The following STMN2 variants were observed in gnomAD, a reference collection of about 807,000 sequenced individuals.
The protein encoded by STMN2 is stathmin-2.
A neutral mutation model predicts 24.1 loss-of-function variants in STMN2; 2 were observed. The observed-to-expected ratio is 0.08, with a 90% confidence interval of 0.03 to 0.26. STMN2 has a LOEUF of 0.26. Ranked by LOEUF, STMN2 falls within the 10% of genes least tolerant of loss-of-function variation. The pLI, the probability that STMN2 is intolerant of heterozygous loss-of-function variation, is 1.00. For missense variants in STMN2, 114 were observed against 213.6 expected (o/e 0.53, Z 2.91); for synonymous variants, 83 against 77.5 (o/e 1.07, Z -0.37).
intron 2 of STMN2, among the ~76,000 whole-genome samples, chr8:79,638,902 C>T (rs1015107937): frequency 1.6e-4 from 25 of 152,038 alleles, no homozygotes; most frequent in African/African-American, 5.8e-4. Context: ...TCTTATAATC[C>T]TTATCCATAG....
chr8:79,619,104 T>C (rs1156339616), intron 1 of STMN2, among the ~76,000 whole-genome samples: 1 of 152,094 alleles, frequency 6.6e-6, no homozygotes, highest in African/African-American at 2.4e-5. Context: ...AAGCAACGCC[T>C]GCAAGAGTGC....
intron 1 of STMN2, among the ~76,000 whole-genome samples, chr8:79,623,443 T>C (rs1252685356): frequency 6.6e-6 from 1 of 152,218 alleles, no homozygotes; most frequent in Non-Finnish European, 1.5e-5. Context: ...GCATTTTGTT[T>C]TGCCTCCTAA....
intron 1 of STMN2, among the ~76,000 whole-genome samples, chr8:79,623,547 C>T (rs538703850): frequency 1.3e-5 from 2 of 152,240 alleles, no homozygotes; most frequent in African/African-American, 4.8e-5. Flanking sequence ...CTTATATTTA[C>T]AAGTATAGTA....
chr8:79,616,033 T>A (rs548018503), intron 1 of STMN2, among the ~76,000 whole-genome samples: 5 of 152,302 alleles, frequency 3.3e-5, no homozygotes, highest in South Asian at 2.1e-4. Context: ...CTTCATCGAT[T>A]GAAATGTGCC....
intron 4 of STMN2, among the ~76,000 whole-genome samples, chr8:79,657,365 C>T (rs1031415760): frequency 1.3e-5 from 2 of 152,156 alleles, no homozygotes; most frequent in African/African-American, 4.8e-5. Context: ...AGTGCCCTCC[C>T]CCATACATGC....
At chr8:79,636,192 G>C (rs1430101828) in intron 1 of STMN2, among the ~76,000 whole-genome samples, 1 of 152,076 alleles carries the variant, frequency 6.6e-6, no homozygotes, top group East Asian at 1.9e-4. Flanking sequence ...ACTACAGCCT[G>C]GGTAACAGAG....
At chr8:79,656,884 G>GTTTGTTTTTTTTT (rs1806384479) in intron 4 of STMN2, among the ~76,000 whole-genome samples, 8 of 150,206 alleles carry the variant, frequency 5.3e-5, no homozygotes, top group Non-Finnish European at 8.9e-5. Flanking sequence ...TTGTTTGTTT[G>GTTTGTTTTTTTTT]TTTTTTTGAG....
chr8:79,659,686 C>T (rs758967769), intron 4 of STMN2, among the ~76,000 whole-genome samples: 3 of 152,144 alleles, frequency 2.0e-5, no homozygotes, highest in South Asian at 4.1e-4. Flanking sequence ...CAAATATTTA[C>T]GTGTAAACAT....
At chr8:79,653,777 G>A (rs567123948) in intron 3 of STMN2, among the ~76,000 whole-genome samples, 31 of 152,304 alleles carry the variant, frequency 2.0e-4, no homozygotes, top group South Asian at 6.2e-4. Context: ...GTGAAGGATT[G>A]CCTCGGGGCA....
At chr8:79,641,628 GCACACACACACACACACACA>G (rs61386841) in intron 3 of STMN2, 78 bp downstream of exon 3, 37 of 431,690 alleles carry the variant, frequency 8.6e-5, no homozygotes, top group Non-Finnish European at 1.2e-4. Flanking sequence ...ACACATGCAC[GCACACACACACACACACACA>G]CACACACACA....
intron 1 of STMN2, chr8:79,620,974 G>C (rs1034573737): frequency 1.0e-6 from 1 of 985,114 alleles, no homozygotes. Flanking sequence ...TGACCTGTAG[G>C]GTCCCCAAGC....
chr8:79,624,711 C>T (rs968863323), intron 1 of STMN2, among the ~76,000 whole-genome samples: 3 of 152,152 alleles, frequency 2.0e-5, no homozygotes, highest in African/African-American at 7.2e-5. Context: ...GGATAGCCAG[C>T]TAAGAAGTCA....
intron 1 of STMN2, chr8:79,620,842 C>T (rs1000879326): frequency 6.0e-6 from 2 of 332,918 alleles, no homozygotes; most frequent in Non-Finnish European, 8.6e-6. Context: ...GCCTCCACCC[C>T]CAGAGGTTCT....
intron 3 of STMN2, among the ~76,000 whole-genome samples, chr8:79,653,399 G>C (rs535967420): frequency 1.3e-5 from 2 of 151,970 alleles, no homozygotes; most frequent in Non-Finnish European, 2.9e-5. Flanking sequence ...CACATAAATA[G>C]TAAAATGTCC....
chr8:79,612,047 C>T (rs1301498582), intron 1 of STMN2, among the ~76,000 whole-genome samples: 1 of 151,526 alleles, frequency 6.6e-6, no homozygotes, highest in Non-Finnish European at 1.5e-5. Flanking sequence ...ACAGCCCCAC[C>T]CAGTGCGGAA....
intron 1 of STMN2, chr8:79,613,385 C>G (rs558961559): frequency 1.0e-6 from 1 of 985,412 alleles, no homozygotes; most frequent in East Asian, 1.1e-4. Context: ...CTCCCCTCCC[C>G]GGAGTTGGGC....
chr8:79,646,226 G>A (rs1253883721), intron 3 of STMN2, among the ~76,000 whole-genome samples: 1 of 151,976 alleles, frequency 6.6e-6, no homozygotes, highest in East Asian at 1.9e-4. Context: ...AAATCACTCA[G>A]TCAACAGATA....
At chr8:79,629,811 G>GT (rs1303101245) in intron 1 of STMN2, among the ~76,000 whole-genome samples, 23 of 152,152 alleles carry the variant, frequency 1.5e-4, no homozygotes, top group Non-Finnish European at 3.1e-4. Flanking sequence ...TTACTTGGCA[G>GT]TAACACCAAG....
intron 1 of STMN2, among the ~76,000 whole-genome samples, chr8:79,631,907 C>A (rs1809809647): frequency 1.3e-5 from 2 of 151,952 alleles, no homozygotes; most frequent in South Asian, 2.1e-4. Context: ...GAAAAGGAAC[C>A]AAAAATGAAC....
Sources: allele counts gnomAD v4.1 joint callset (sites outside exome capture counted in the v4.1 genomes callset), GRCh38; gene constraint gnomAD v4.1.1; transcripts MANE v1.5; gene names NCBI Gene and HGNC (gene_info 2026-07-23, HGNC 2026-07-21).